Variants in SPRED2 observed in about 807,000 individuals in gnomAD.
SPRED2 encodes the protein sprouty-related, EVH1 domain-containing protein 2.
Under a neutral mutation model 43.0 loss-of-function variants are expected in SPRED2, and 47 were observed. That is an observed-to-expected ratio of 1.09 (90% CI 0.87 to 1.40). The LOEUF (loss-of-function observed/expected upper bound fraction) is 1.40, where lower values mean the gene tolerates loss of function less well. SPRED2 is among the 40% of genes most tolerant of loss of function. The pLI is 0.00. For synonymous variants in SPRED2, 225 were observed against 225.7 expected (o/e 1.00, Z 0.03); for missense variants, 561 against 586.4 (o/e 0.96, Z 0.45).
chr2:65,424,505 TG>T (rs1676513267), intron 1 of SPRED2, among the ~76,000 whole-genome samples: 1 of 152,074 alleles, frequency 6.6e-6, no homozygotes, highest in Non-Finnish European at 1.5e-5. Context: ...TGTACACCTG[TG>T]GTCGCAGCTA....
chr2:65,366,795 A>G (rs1674992974), intron 1 of SPRED2: 5 of 1,311,842 alleles, frequency 3.8e-6, no homozygotes, highest in Middle Eastern at 2.0e-4. Context: ...TCCGAGGGTT[A>G]GTCCGCATTT....
chr2:65,341,612 C>T (rs1674188245), intron 2 of SPRED2, among the ~76,000 whole-genome samples: 1 of 152,072 alleles, frequency 6.6e-6, no homozygotes, highest in Admixed American at 6.6e-5. Context: ...TTGAGTTTCC[C>T]CACTACAATG....
chr2:65,335,196 C>T (rs545566686), intron 2 of SPRED2, among the ~76,000 whole-genome samples: 1 of 152,108 alleles, frequency 6.6e-6, no homozygotes, highest in South Asian at 2.1e-4. Flanking sequence ...TTCTCCTCTC[C>T]CAACTTCTGG....
At chr2:65,366,394 G>C (rs1572873649) in intron 1 of SPRED2, among the ~76,000 whole-genome samples, 1 of 152,316 alleles carries the variant, frequency 6.6e-6, no homozygotes, top group East Asian at 1.9e-4. Context: ...TAAGAGCTCT[G>C]TGTCTATCAA....
At chr2:65,419,299 G>A (rs753076656) in intron 1 of SPRED2, among the ~76,000 whole-genome samples, 15 of 152,034 alleles carry the variant, frequency 9.9e-5, no homozygotes, top group Non-Finnish European at 2.1e-4. Flanking sequence ...TTAATCAGAC[G>A]ACCCAAACTT....
At chr2:65,429,621 C>T (rs184284502) in intron 1 of SPRED2, among the ~76,000 whole-genome samples, 5 of 152,304 alleles carry the variant, frequency 3.3e-5, no homozygotes, top group Admixed American at 2.6e-4. Flanking sequence ...CGTCATTACA[C>T]AGGTACGTTG....
Position 65,338,422 on chromosome 2 carries a change from C to G in SPRED2, c.205-3649G>C, listed in dbSNP as rs964067370. Among the ~76,000 whole-genome samples the G allele has an allele frequency of 4.0e-4, 60 of 151,348 alleles. No homozygotes were observed. In the South Asian group the frequency reaches 4.0e-3, roughly 10 times the overall value. ...GCCTGATTCTCCTGCCTCAGCCTGC[C>G]GAGTGCCTGCGATTGCAGGCGCGCG... is the stretch of plus-strand genomic sequence containing the variant. On this transcript the variant is annotated intron_variant, in intron 2 of 5. Coordinates refer to ENST00000356388, the MANE Select transcript of SPRED2 (RefSeq NM_181784.3).
chr2:65,401,534 G>A (rs1379475251), intron 1 of SPRED2, among the ~76,000 whole-genome samples: 2 of 151,700 alleles, frequency 1.3e-5, no homozygotes, highest in African/African-American at 4.8e-5. Flanking sequence ...GGTGGCTCAC[G>A]CCTGTAATCC....
At chr2:65,397,591 A>C (rs1675785552) in intron 1 of SPRED2, among the ~76,000 whole-genome samples, 1 of 148,844 alleles carries the variant, frequency 6.7e-6, no homozygotes, top group Non-Finnish European at 1.5e-5. Flanking sequence ...ACATTTCTAC[A>C]ATCTGTTTCT....
At chr2:65,423,477 C>A (rs1322115254) in intron 1 of SPRED2, among the ~76,000 whole-genome samples, 1 of 152,206 alleles carries the variant, frequency 6.6e-6, no homozygotes, top group Non-Finnish European at 1.5e-5. Context: ...TACCAGGACA[C>A]CATTAGAAAG....
At chr2:65,331,360 G>C (rs1397392015) in intron 4 of SPRED2, among the ~76,000 whole-genome samples, 3 of 152,234 alleles carry the variant, frequency 2.0e-5, no homozygotes, top group Non-Finnish European at 2.9e-5. Context: ...TTAACTTCTA[G>C]AAGCACAGGA....
At chr2:65,414,020 A>G (rs1161224288) in intron 1 of SPRED2, among the ~76,000 whole-genome samples, 1 of 152,242 alleles carries the variant, frequency 6.6e-6, no homozygotes, top group Non-Finnish European at 1.5e-5. Context: ...TTCCCACTCT[A>G]GGGATATACC....
At chr2:65,422,559 T>C (rs1024372620) in intron 1 of SPRED2, among the ~76,000 whole-genome samples, 1 of 152,224 alleles carries the variant, frequency 6.6e-6, no homozygotes, top group African/African-American at 2.4e-5. Flanking sequence ...CTCCTCTGGC[T>C]GTACTTCCAC....
intron 1 of SPRED2, among the ~76,000 whole-genome samples, chr2:65,346,816 C>T (rs533621835): frequency 1.3e-5 from 2 of 152,310 alleles, no homozygotes; most frequent in Admixed American, 1.3e-4. Flanking sequence ...CAGTCTTCTA[C>T]AGACCTCACT....
At chr2:65,394,254 A>G (rs1479211448) in intron 1 of SPRED2, among the ~76,000 whole-genome samples, 1 of 152,198 alleles carries the variant, frequency 6.6e-6, no homozygotes, top group Non-Finnish European at 1.5e-5. Context: ...ATTACACATC[A>G]TTTGGTTTAG....
At chr2:65,367,688 C>T (rs930757654) in intron 1 of SPRED2, among the ~76,000 whole-genome samples, 1 of 152,082 alleles carries the variant, frequency 6.6e-6, no homozygotes, top group African/African-American at 2.4e-5. Flanking sequence ...CCTCCCAGGG[C>T]GATCTGGTGA....
chr2:65,403,307 G>T (rs1034820234), intron 1 of SPRED2, among the ~76,000 whole-genome samples: 1 of 152,216 alleles, frequency 6.6e-6, no homozygotes, highest in African/African-American at 2.4e-5. Context: ...GTCTCACTCT[G>T]TTGCCCAGGC....
intron 1 of SPRED2, chr2:65,366,936 C>G: frequency 4.4e-6 from 1 of 227,792 alleles, no homozygotes; most frequent in Non-Finnish European, 7.3e-6. Context: ...GTTATGATTA[C>G]CAATCATTGA....
chr2:65,374,198 C>A (rs917681296), intron 1 of SPRED2: 2 of 152,148 alleles, frequency 1.3e-5, no homozygotes, highest in African/African-American at 4.8e-5. Context: ...TTCAGCTTCC[C>A]AGAGGGGCAA....
Sources: gnomAD v4.1 joint callset for allele counts (sites outside exome capture counted in the v4.1 genomes callset) on GRCh38, gnomAD v4.1.1 for gene constraint, MANE v1.5 for transcripts, NCBI Gene and HGNC (gene_info 2026-07-23, HGNC 2026-07-21) for gene names.